Variants in SCAP observed in about 807,000 individuals in gnomAD.
The protein encoded by SCAP is sterol regulatory element-binding protein cleavage-activating protein.
Under a neutral mutation model 123.6 loss-of-function variants are expected in SCAP, and 65 were observed. The observed-to-expected ratio is 0.53, with a 90% CI of 0.43 to 0.65. The LOEUF is 0.65. SCAP is among the 30% of genes least tolerant of loss of function. The pLI is 0.00. For missense variants in SCAP, 1,398 were observed against 1,712.5 expected (o/e 0.82, Z 3.24); for synonymous variants, 740 against 726.3 (o/e 1.02, Z -0.30).
chr3:47,435,605 A>G (rs1706548296), intron 2 of SCAP, among the ~76,000 whole-genome samples: 1 of 151,726 alleles, frequency 6.6e-6, no homozygotes, highest in East Asian at 1.9e-4. Context: ...GGCTGGTCTT[A>G]AAACTCCTGA....
intron 1 of SCAP, among the ~76,000 whole-genome samples, chr3:47,458,602 G>A (rs749838742): frequency 2.0e-5 from 3 of 152,148 alleles, no homozygotes; most frequent in Non-Finnish European, 2.9e-5. Context: ...ATTGAAGTAA[G>A]ACCAAATTAT....
chr3:47,442,328 C>G (rs1706839548), intron 2 of SCAP, among the ~76,000 whole-genome samples: 3 of 152,166 alleles, frequency 2.0e-5, no homozygotes, highest in African/African-American at 7.2e-5. Context: ...GGAACAAGGG[C>G]AGCTACAGCT....
chr3:47,472,340 A>T (rs1451793899), intron 1 of SCAP, among the ~76,000 whole-genome samples: 2 of 150,928 alleles, frequency 1.3e-5, no homozygotes, highest in Non-Finnish European at 3.0e-5. Context: ...AGGCTGAGGC[A>T]GGAGAATGGC....
Position 47,420,622 on chromosome 3 carries a change from G to A in SCAP, c.1495C>T (p.Arg499Trp). Residue 499 changes from arginine to tryptophan, a missense_variant, in exon 12 of 23, where the codon CGG (arginine) becomes TGG (tryptophan). Arg to Trp is a moderately radical substitution (Grantham distance 101). Transcript: ENST00000265565. The surrounding 1 kb of genome is among the most constrained non-coding windows in gnomAD (Gnocchi z 5.0). ...TLQPSSFRNL[R>W]LPKRLRVVYF... ...ACAACACGCAGCCTCTTGGGGAGCC[G>A]CAGGTTTCGGAAGGAAGACGGCTGC... 4 of 1,612,184 alleles carry A rather than the reference G, an allele frequency of 2.5e-6. No individual in the cohort carries two copies. Among genetic ancestry groups the A allele is most frequent in the African/African-American group, 1.3e-5 (1 of 74,978 alleles).
chr3:47,454,068 TTAAGA>T (rs536437953), intron 1 of SCAP, among the ~76,000 whole-genome samples: 75 of 152,284 alleles, frequency 4.9e-4, no homozygotes, highest in African/African-American at 1.7e-3. Flanking sequence ...CCTCATCCTT[TTAAGA>T]TAAGAATAGA....
In SCAP at chr3:47,475,840, C is replaced by T; in HGVS notation, c.-140G>A. ...TCCCAAGCTGCGGCGGCGGCGGCGG[C>T]GGCGACGGGGGCGGCAGCAGGGGCG... On this transcript the variant is annotated 5_prime_UTR_variant, in exon 1 of 23. Transcript: ENST00000265565. The T allele has an allele frequency of 6.2e-6, 1 of 161,112 alleles. No homozygotes were observed. The allele number at this position is 161,112 out of a possible 1,614,324, so 10.0% of individuals were successfully genotyped here. A position where few individuals can be genotyped will look rare whatever the true frequency, so the allele number is the denominator to read the frequency against.
intron 1 of SCAP, among the ~76,000 whole-genome samples, chr3:47,459,691 A>G (rs924183936): frequency 6.6e-6 from 1 of 152,216 alleles, no homozygotes; most frequent in African/African-American, 2.4e-5. Flanking sequence ...CAAAGATCAC[A>G]TGCTTCTGAG....
At chr3:47,422,573 G>A in intron 9 of SCAP, 37 bp from the exon 10 acceptor site, 1 of 1,530,748 alleles carries the variant, frequency 6.5e-7, no homozygotes, top group Non-Finnish European at 9.0e-7. Context: ...GGCAACACAT[G>A]GCCACTCTGC....
rs116279218 is a variant in SCAP, at chr3:47,456,858, C to T, written c.-98-13767G>A. ...TCGCTGACAAGGTGCTAAATTCCCG[C>T]GTATATAAGCAATTTTGACAAAATC... On this transcript the variant is annotated intron_variant, in intron 1 of 22. Transcript: ENST00000265565. Among the ~76,000 whole-genome samples, 371 of 152,096 alleles carry T rather than the reference C, an allele frequency of 2.4e-3. 1 individual carries two copies. Among genetic ancestry groups the T allele is most frequent in the Non-Finnish European group, 3.6e-3 (246 of 67,992 alleles).
At chr3:47,435,800 G>A (rs1706557115) in intron 2 of SCAP, among the ~76,000 whole-genome samples, 2 of 152,094 alleles carry the variant, frequency 1.3e-5, no homozygotes, top group African/African-American at 4.8e-5. Flanking sequence ...TGTAACCCCA[G>A]CACTTTGGGA....
chr3:47,418,142 C>A lies in SCAP; in HGVS notation c.2439G>T (p.Pro813=). Residue 813 remains proline (P), a synonymous_variant, in exon 16 of 23, where the codon CCG becomes CCT. Transcript: ENST00000265565. The stretch of plus-strand genomic sequence containing the variant: ...AGGGCAGCCGCACCTACCCTGGGCG[C>A]GGAATGCGCGTTAGGCAATCCCCGG... The part of the protein sequence containing the change: ...AQTGDCLTRI[P]RPGRQRRDSG... The A allele has an allele frequency of 6.4e-7, 1 of 1,559,708 alleles. No homozygotes were observed. The highest frequency in any genetic ancestry group is 1.4e-5 in the African/African-American group (1 of 73,506).
In SCAP at chr3:47,419,771, T is replaced by A; in HGVS notation, c.1564-67A>T. The A allele has an allele frequency of 6.7e-7, 1 of 1,489,236 alleles. No individual in the cohort carries two copies. Among genetic ancestry groups the A allele is most frequent in the Non-Finnish European group, 9.0e-7 (1 of 1,117,122 alleles). The allele number at this position is 1,489,236 out of a possible 1,614,324, so 92.3% of individuals were successfully genotyped here. On this transcript the variant is annotated intron_variant, in intron 12 of 22. Coordinates refer to ENST00000265565, the MANE Select transcript of SCAP (RefSeq NM_012235.4). The surrounding 1 kb of genome is among the most constrained non-coding windows in gnomAD (Gnocchi z 5.0). ...CAACCCCCAGCAGCTTCAGCCCTCA[T>A]GCTGAGAGGAAGCAGCACAGGGACC...
intron 2 of SCAP, among the ~76,000 whole-genome samples, chr3:47,442,531 A>AGT (rs1706847505): frequency 2.0e-5 from 3 of 152,268 alleles, no homozygotes; most frequent in Non-Finnish European, 4.4e-5. Context: ...CTTGCACTTA[A>AGT]CCAGGTACTA....
At chr3:47,457,591 C>T (rs140158026) in intron 1 of SCAP, among the ~76,000 whole-genome samples, 7 of 152,270 alleles carry the variant, frequency 4.6e-5, no homozygotes, top group East Asian at 1.9e-4. Context: ...AGTTGTCAAG[C>T]GGACCAATGC....
chr3:47,427,345 T>G, intron 5 of SCAP, 83 bp from the exon 6 acceptor site: 2 of 1,545,176 alleles, frequency 1.3e-6, no homozygotes, highest in Non-Finnish European at 1.8e-6. Context: ...ACCCCCACCC[T>G]GGGAAACAAA....
chr3:47,468,685 T>C (rs1253161300), intron 1 of SCAP, among the ~76,000 whole-genome samples: 2 of 152,230 alleles, frequency 1.3e-5, no homozygotes, highest in African/African-American at 2.4e-5. Flanking sequence ...TTCAGTCTGA[T>C]GGTAGTTTCT....
At chr3:47,414,468 G>A in intron 21 of SCAP, 82 bp from the exon 22 acceptor site, 1 of 1,598,566 alleles carries the variant, frequency 6.3e-7, no homozygotes, top group Non-Finnish European at 8.6e-7. Flanking sequence ...CCAGTGGGTG[G>A]GGCCCTGACT....
intron 1 of SCAP, among the ~76,000 whole-genome samples, chr3:47,446,414 G>C (rs1219117719): frequency 6.6e-6 from 1 of 151,896 alleles, no homozygotes; most frequent in Admixed American, 6.6e-5. Flanking sequence ...CTCATGATCT[G>C]CCCTCCTTCG....
intron 1 of SCAP, among the ~76,000 whole-genome samples, chr3:47,446,550 CTT>C (rs1035460504): frequency 7.3e-5 from 11 of 151,144 alleles, no homozygotes; most frequent in African/African-American, 2.7e-4. Flanking sequence ...TTTTTGTTTT[CTT>C]TTGAGTATAT....
Sources: allele counts gnomAD v4.1 joint callset (sites outside exome capture counted in the v4.1 genomes callset), GRCh38; gene constraint gnomAD v4.1.1; non-coding constraint Gnocchi (gnomAD v3.1); transcripts MANE v1.5; gene names NCBI Gene and HGNC (gene_info 2026-07-23, HGNC 2026-07-21).